CHRNB4: variants seen among roughly 807,000 people sequenced by gnomAD.
CHRNB4 encodes neuronal acetylcholine receptor subunit beta-4.
Under a neutral mutation model 40.4 loss-of-function variants are expected in CHRNB4, and 23 were observed. The ratio of observed to expected loss-of-function variants is 0.57; its 90% CI spans 0.41 to 0.81. The LOEUF (loss-of-function observed/expected upper bound fraction) is 0.81, where lower values mean the gene tolerates loss of function less well. CHRNB4 is among the 30% of genes least tolerant of loss of function. The pLI is 0.00. For synonymous variants in CHRNB4, 285 were observed against 274.4 expected, an observed-to-expected ratio of 1.04 and a Z score of -0.38; for missense variants, 568 against 670.6, an observed-to-expected ratio of 0.85 and a Z score of 1.69.
At chr15:78,661,311 A>G (rs536815097), upstream of CHRNB4, 696 of 591,522 alleles carry the variant, frequency 1.2e-3, 5 homozygotes, top group Middle Eastern at 0.011. Flanking sequence ...CACAGTGCAC[A>G]CACCTTCAGG....
intron 1 of CHRNB4, 133 bp downstream of exon 1, chr15:78,640,946 C>T (rs2054058602): frequency 3.8e-6 from 4 of 1,045,792 alleles, no homozygotes; most frequent in African/African-American, 1.7e-5. Flanking sequence ...TGCCCACGCC[C>T]CCATCTGGCC....
Position 78,639,340 on chromosome 15 carries a change from G to A in CHRNB4, c.55+1739C>T, listed in dbSNP as rs553960702. Among the ~76,000 whole-genome samples, 220 of 152,268 alleles carry A rather than the reference G, an allele frequency of 1.4e-3. 2 individuals are homozygous for A. The highest frequency in any genetic ancestry group is 5.0e-3 in the African/African-American group (209 of 41,562). On this transcript the variant is annotated intron_variant, in intron 1 of 5. Coordinates refer to ENST00000261751, the MANE Select transcript of CHRNB4 (RefSeq NM_000750.5). ...AGACGGAGTCTTGATCTGTCGCCCAGGCTGGAGTGCAGTGGCATGATCTCA... is the reference window on the plus strand; with the variant it reads ...AGACGGAGTCTTGATCTGTCGCCCAAGCTGGAGTGCAGTGGCATGATCTCA...
At chr15:78,625,843 C>G (rs1042682490) in intron 5 of CHRNB4, 14 of 152,304 alleles carry the variant, frequency 9.2e-5, no homozygotes, top group Non-Finnish European at 2.9e-5. Flanking sequence ...CCTGCTGCAT[C>G]ATTCAGGTCT....
chr15:78,635,696 C>T, intron 1 of CHRNB4, 109 bp from the exon 2 acceptor site: 1 of 1,463,394 alleles, frequency 6.8e-7, no homozygotes, highest in South Asian at 1.3e-5. Context: ...TTAGGGCTGG[C>T]TGAAGCAGCG....
chr15:78,642,079 G>A (rs149756807), upstream of CHRNB4, among the ~76,000 whole-genome samples: 40 of 152,306 alleles, frequency 2.6e-4, no homozygotes, highest in African/African-American at 9.1e-4. Context: ...AGGAAGGGCG[G>A]GGTCTAAGGG....
At chr15:78,650,713 GC>G in intron 6 of CHRNB4, among the ~76,000 whole-genome samples, 1 of 152,314 alleles carries the variant, frequency 6.6e-6, no homozygotes, top group Non-Finnish European at 1.5e-5. Flanking sequence ...GGTCCATTCT[GC>G]CGGTGTACAG....
In CHRNB4 at chr15:78,630,577, A is replaced by G. The variant is rs535361163; in HGVS notation, c.359+499T>C. On this transcript the variant is annotated intron_variant, in intron 4 of 5. Coordinates refer to ENST00000261751, the MANE Select transcript of CHRNB4 (RefSeq NM_000750.5). ...GAGGTTAAGTGACTTCTTCAAGGTC[A>G]GAAAACTTGTAAGCAGGACAGCTGA... is the stretch of plus-strand genomic sequence containing the variant. Among the ~76,000 whole-genome samples the G allele has an allele frequency of 2.0e-3, 304 of 152,338 alleles. 1 individual carries two copies. Among genetic ancestry groups the G allele is most frequent in the African/African-American group, 7.0e-3 (293 of 41,572 alleles).
At chr15:78,644,145 A>C (rs948859404), upstream of CHRNB4, among the ~76,000 whole-genome samples, 1 of 151,676 alleles carries the variant, frequency 6.6e-6, no homozygotes, top group Non-Finnish European at 1.5e-5. Context: ...CCTGGGTGAC[A>C]GAGCGAGACT....
intron 5 of CHRNB4, among the ~76,000 whole-genome samples, chr15:78,627,720 G>A (rs749254705): frequency 3.3e-5 from 5 of 152,130 alleles, no homozygotes; most frequent in Non-Finnish European, 7.3e-5. Context: ...GTATGGAAAT[G>A]GGTGTGAAAA....
upstream of CHRNB4, chr15:78,641,258 T>C (rs879768188): frequency 9.9e-4 from 834 of 840,732 alleles, 3 homozygotes; most frequent in South Asian, 5.5e-4. Flanking sequence ...CGGCGCTCAC[T>C]AGGACCCCGC....
chr15:78,636,008 A>G (rs1256530796), intron 1 of CHRNB4, among the ~76,000 whole-genome samples: 4 of 152,024 alleles, frequency 2.6e-5, no homozygotes, highest in African/African-American at 9.7e-5. Flanking sequence ...CCTGAGTTCA[A>G]GCAATTCTCC....
chr15:78,657,777 C>T (rs2054226170), intron 2 of CHRNB4, among the ~76,000 whole-genome samples: 1 of 152,158 alleles, frequency 6.6e-6, no homozygotes, highest in South Asian at 2.1e-4. Flanking sequence ...TAGTCTTGAT[C>T]TCCTGCCCTC....
chr15:78,647,523 C>A (rs565649677), intron 7 of CHRNB4, among the ~76,000 whole-genome samples: 28 of 151,762 alleles, frequency 1.8e-4, no homozygotes, highest in Non-Finnish European at 5.9e-5. Flanking sequence ...CATTCCTATA[C>A]ATCAATAACA....
At chr15:78,647,678 C>T (rs1183458549) in intron 7 of CHRNB4, among the ~76,000 whole-genome samples, 1 of 130,856 alleles carries the variant, frequency 7.6e-6, no homozygotes, top group Admixed American at 7.9e-5. Flanking sequence ...AACCCCGTCT[C>T]TACTAAAAAT....
At chr15:78,645,845 G>A (rs2054118621), upstream of CHRNB4, among the ~76,000 whole-genome samples, 1 of 152,074 alleles carries the variant, frequency 6.6e-6, no homozygotes, top group African/African-American at 2.4e-5. Context: ...GGATAATGAG[G>A]TCAAGAGATT....
intron 1 of CHRNB4, 52 bp downstream of exon 1, chr15:78,641,027 C>A: frequency 2.6e-6 from 4 of 1,539,438 alleles, no homozygotes; most frequent in Non-Finnish European, 8.8e-7. Context: ...CCAGTCCAGC[C>A]CCTTTCAGCC....
chr15:78,627,523 C>T (rs2053684986), intron 5 of CHRNB4: 1 of 152,218 alleles, frequency 6.6e-6, no homozygotes, highest in South Asian at 2.1e-4. Context: ...AATGCCAGCG[C>T]TTCTCCTTGA....
chr15:78,656,889 C>A (rs1234177443), intron 3 of CHRNB4, among the ~76,000 whole-genome samples: 1 of 152,210 alleles, frequency 6.6e-6, no homozygotes, highest in Non-Finnish European at 1.5e-5. Flanking sequence ...CCCTAGCACA[C>A]CTGCATGCAT....
Position 78,624,696 on chromosome 15 carries a change from GAAA to G in CHRNB4, c.*434_*436del. On this transcript the variant is annotated 3_prime_UTR_variant, in exon 6 of 6. Coordinates refer to ENST00000261751, the MANE Select transcript of CHRNB4 (RefSeq NM_000750.5). ...CGATATAGCAAGACTCCGTTTAAAA[GAAA>G]AAAAAAAAGATGATGATATGGCAAA... 2 of 307,268 alleles carry G rather than the reference GAAA, an allele frequency of 6.5e-6. No individual in the cohort carries two copies. The highest frequency in any genetic ancestry group is 5.9e-6 in the Non-Finnish European group (1 of 169,694). The allele number at this position is 307,268 out of a possible 1,614,324, so 19.0% of individuals were successfully genotyped here. A position where few individuals can be genotyped will look rare whatever the true frequency, so the allele number is the denominator to read the frequency against.
Sources: allele counts gnomAD v4.1 joint callset (sites outside exome capture counted in the v4.1 genomes callset), GRCh38; gene constraint gnomAD v4.1.1; transcripts MANE v1.5; gene names NCBI Gene and HGNC (gene_info 2026-07-23, HGNC 2026-07-21).